ARL10: variants seen among roughly 807,000 people sequenced by gnomAD.
The protein encoded by ARL10 is ADP-ribosylation factor-like protein 10.
In ARL10, 23 loss-of-function variants were observed where a neutral mutation model predicts 26.1. That is an observed-to-expected ratio of 0.88 (90% CI 0.63 to 1.25). The LOEUF (loss-of-function observed/expected upper bound fraction) is 1.25, where lower values mean the gene tolerates loss of function less well. ARL10 is among the 50% of genes most tolerant of loss of function. The pLI is 0.00. For synonymous variants in ARL10, 138 were observed against 149.1 expected (o/e 0.93, Z 0.54); for missense variants, 300 against 323.6 (o/e 0.93, Z 0.56).
Position 176,377,246 on chromosome 5 carries a change from T to C in ARL10, c.*5351T>C, listed in dbSNP as rs1768710827. 1 of 152,250 alleles carries C rather than the reference T, an allele frequency of 6.6e-6. No homozygotes were observed. Among genetic ancestry groups the C allele is most frequent in the Admixed American group, 6.5e-5 (1 of 15,280 alleles). The allele number at this position is 152,250 out of a possible 1,614,324, so 9.4% of individuals were successfully genotyped here. ...GGCCAAGATAATCCAATCGATTCAG[T>C]TAATTTTGCCAATTTTAGTTTTAAA... On this transcript the variant is annotated 3_prime_UTR_variant, in exon 4 of 4. Transcript: ENST00000310389. This position sits in a 1 kb window ranked among gnomAD's most constrained non-coding sequence, Gnocchi z 4.5.
the ARL10 span, among the ~76,000 whole-genome samples, chr5:176,412,008 CT>C: frequency 6.6e-6 from 1 of 151,942 alleles, no homozygotes. Flanking sequence ...AACCCCGTCT[CT>C]ACTAAAAATA....
At chr5:176,370,208 C>T (rs1029707730) in intron 3 of ARL10, among the ~76,000 whole-genome samples, 9 of 152,226 alleles carry the variant, frequency 5.9e-5, no homozygotes, top group African/African-American at 1.7e-4. Context: ...TGCTGTTACA[C>T]TAAATACCTG....
At chr5:176,410,364 G>A in the ARL10 span, 660 of 1,484,160 alleles carry the variant, frequency 4.4e-4, 10 homozygotes, top group East Asian at 0.012. Flanking sequence ...GCAGGAAATG[G>A]TCCTACATTA....
downstream of ARL10, chr5:176,384,092 G>C: frequency 6.3e-7 from 1 of 1,577,744 alleles, no homozygotes; most frequent in Non-Finnish European, 8.5e-7. Context: ...GAGTGTGCAC[G>C]TGTGTGTGTA....
intron 1 of ARL10, among the ~76,000 whole-genome samples, chr5:176,394,630 C>T (rs113661709): frequency 0.022 from 3,224 of 147,834 alleles, 59 homozygotes; most frequent in African/African-American, 0.051. Context: ...CTGGCTAACA[C>T]GGTGAAACCC....
intron 1 of ARL10, chr5:176,397,968 T>C (rs750973024): frequency 1.9e-6 from 3 of 1,614,040 alleles, no homozygotes; most frequent in South Asian, 1.1e-5. Flanking sequence ...CTCTCGCCAC[T>C]TGCGGATGCT....
the ARL10 span, among the ~76,000 whole-genome samples, chr5:176,407,317 C>A: frequency 6.6e-6 from 1 of 152,248 alleles, no homozygotes; most frequent in Admixed American, 6.5e-5. Flanking sequence ...TAGGTACTTT[C>A]TTTTTTGAGA....
downstream of ARL10, chr5:176,385,263 G>A (rs1224220680): frequency 6.2e-7 from 1 of 1,613,262 alleles, no homozygotes; most frequent in Non-Finnish European, 8.5e-7. Context: ...AGCGTACATA[G>A]TCAATGAGGT....
the ARL10 span, among the ~76,000 whole-genome samples, chr5:176,413,242 G>T: frequency 0.43 from 65,347 of 151,966 alleles, 14,714 homozygotes; most frequent in African/African-American, 0.57. Context: ...AACCCCTGAG[G>T]GTTTGCTTCC....
At chr5:176,384,517 T>G (rs898827641), downstream of ARL10, 6 of 784,400 alleles carry the variant, frequency 7.6e-6, no homozygotes, top group Admixed American at 1.4e-4. Flanking sequence ...CCGGGCACAG[T>G]GGCTCATGCC....
At chr5:176,400,744 C>A (rs1251241937) in intron 1 of ARL10, among the ~76,000 whole-genome samples, 1 of 152,186 alleles carries the variant, frequency 6.6e-6, no homozygotes. Flanking sequence ...CATGACTGCC[C>A]GCGTTGTTTG....
In ARL10 at chr5:176,372,041, A is replaced by T; in HGVS notation, c.*146A>T. ...GCCTTTCAAGAGCAGGGCCTGGGCA[A>T]GGCCAAGAACCATGCAGAAGCCTTC... On this transcript the variant is annotated 3_prime_UTR_variant, in exon 4 of 4. Coordinates refer to ENST00000310389, the MANE Select transcript of ARL10 (RefSeq NM_173664.6). 1 of 1,451,988 alleles carries T rather than the reference A, an allele frequency of 6.9e-7. No individual in the cohort carries two copies. Among genetic ancestry groups the T allele is most frequent in the Non-Finnish European group, 9.0e-7 (1 of 1,105,048 alleles). The allele number at this position is 1,451,988 out of a possible 1,614,324, so 89.9% of individuals were successfully genotyped here.
At chr5:176,386,177 C>T (rs1339208636), downstream of ARL10, 1 of 155,538 alleles carries the variant, frequency 6.4e-6, no homozygotes, top group Admixed American at 6.3e-5. Context: ...TGTTTTTTAA[C>T]CACATTTTAA....
chr5:176,392,631 C>T (rs763727838), downstream of ARL10: 4 of 933,874 alleles, frequency 4.3e-6, no homozygotes, highest in African/African-American at 3.3e-5. This position sits in a 1 kb window ranked among gnomAD's most constrained non-coding sequence, Gnocchi z 5.2. Context: ...GGGGTGAGGG[C>T]CCCCCTCCCA....
rs1477453162 is a variant in ARL10 at position 176,378,202 on chromosome 5, C to T, written c.*6307C>T. 2 of 152,254 alleles carry T rather than the reference C, an allele frequency of 1.3e-5. No individual in the cohort carries two copies. The highest frequency in any genetic ancestry group is 2.9e-5 in the Non-Finnish European group (2 of 68,052). The allele number at this position is 152,254 out of a possible 1,614,324, so 9.4% of individuals were successfully genotyped here. On this transcript the variant is annotated 3_prime_UTR_variant, in exon 4 of 4. Transcript: ENST00000310389. The stretch of plus-strand genomic sequence containing the variant: ...TTGGTTTTCCACATCAGGTGCATTG[C>T]ACTGTTAGATGGGTCATCATAAAGG...
chr5:176,375,987 A>G lies in ARL10; in HGVS notation c.*4092A>G, dbSNP rs544350571. ...GCATTACCTGGACAGGTTTTTTTCC[A>G]TATTGGCACTTATTAATTGAAAAGG... On this transcript the variant is annotated 3_prime_UTR_variant, in exon 4 of 4. Transcript: ENST00000310389. The G allele has an allele frequency of 2.0e-5, 3 of 152,248 alleles. No homozygotes were observed. Among genetic ancestry groups the G allele is most frequent in the Non-Finnish European group, 2.9e-5 (2 of 68,024 alleles). The allele number at this position is 152,248 out of a possible 1,614,324, so 9.4% of individuals were successfully genotyped here. A position where few individuals can be genotyped will look rare whatever the true frequency, so the allele number is the denominator to read the frequency against.
intron 2 of ARL10, among the ~76,000 whole-genome samples, chr5:176,367,222 T>C (rs750742749): frequency 6.6e-6 from 1 of 152,084 alleles, no homozygotes; most frequent in Admixed American, 6.5e-5. Context: ...TTGGTCAGGC[T>C]AGTCTTGAAC....
chr5:176,389,213 C>T, downstream of ARL10: 1 of 1,293,268 alleles, frequency 7.7e-7, no homozygotes, highest in Non-Finnish European at 1.1e-6. Flanking sequence ...GACCTACCCT[C>T]GCCGCCCTCC....
downstream of ARL10, among the ~76,000 whole-genome samples, chr5:176,383,266 G>A (rs1030084387): frequency 1.3e-5 from 2 of 152,240 alleles, no homozygotes; most frequent in African/African-American, 4.8e-5. Context: ...ACAAGAGACA[G>A]CTGATAGGCG....
Sources: gnomAD v4.1 joint callset for allele counts (sites outside exome capture counted in the v4.1 genomes callset) on GRCh38, gnomAD v4.1.1 for gene constraint, Gnocchi (gnomAD v3.1) non-coding constraint, MANE v1.5 for transcripts, NCBI Gene and HGNC (gene_info 2026-07-23, HGNC 2026-07-21) for gene names.